Variants in FGD6 observed in about 807,000 individuals in gnomAD.
The protein encoded by FGD6 is FYVE, RhoGEF and PH domain containing 6.
In FGD6, 90 loss-of-function variants were observed where a neutral mutation model predicts 149.4. The ratio of observed to expected loss-of-function variants is 0.60; its 90% CI spans 0.51 to 0.72. The LOEUF is 0.72. Ranked by LOEUF, FGD6 falls within the 30% of genes least tolerant of loss-of-function variation. FGD6 has a pLI of 0.00. For synonymous variants in FGD6, 527 were observed against 584.0 expected (o/e 0.90, Z 1.41); for missense variants, 1,437 against 1,684.8 (o/e 0.85, Z 2.57).
intron 2 of FGD6, among the ~76,000 whole-genome samples, chr12:95,177,775 T>C (rs1881173599): frequency 1.3e-5 from 2 of 152,316 alleles, no homozygotes; most frequent in African/African-American, 4.8e-5. Context: ...AAAATTGGTA[T>C]ACAATTTTCA....
chr12:95,161,011 C>T (rs1880624329), intron 3 of FGD6, among the ~76,000 whole-genome samples: 1 of 151,864 alleles, frequency 6.6e-6, no homozygotes, highest in South Asian at 2.1e-4. Flanking sequence ...GAAACCCCGT[C>T]TCCACCAAAA....
At chr12:95,140,622 G>GA (rs917140163) in intron 6 of FGD6, among the ~76,000 whole-genome samples, 25 of 148,348 alleles carry the variant, frequency 1.7e-4, no homozygotes, top group African/African-American at 2.5e-4. Context: ...CATCTCAAAA[G>GA]AAAAAAAAAA....
At chr12:95,110,136 C>A (rs936310230) in intron 9 of FGD6, among the ~76,000 whole-genome samples, 3 of 151,898 alleles carry the variant, frequency 2.0e-5, no homozygotes, top group African/African-American at 7.3e-5. Flanking sequence ...GCCACCACGT[C>A]CAGCTAATTT....
intron 1 of FGD6, among the ~76,000 whole-genome samples, chr12:95,213,795 A>G (rs1186477991): frequency 6.6e-6 from 1 of 152,248 alleles, no homozygotes; most frequent in Non-Finnish European, 1.5e-5. Flanking sequence ...TAAATATAGC[A>G]AAGTCCTATT....
rs1450805344 is a variant in FGD6, at chr12:95,080,838, T to G, written c.*682A>C. 2 of 152,218 alleles carry G rather than the reference T, an allele frequency of 1.3e-5. No individual in the cohort carries two copies. The highest frequency in any genetic ancestry group is 2.9e-5 in the Non-Finnish European group (2 of 68,032). The allele number at this position is 152,218 out of a possible 1,614,324, so 9.4% of individuals were successfully genotyped here. A position where few individuals can be genotyped will look rare whatever the true frequency, so the allele number is the denominator to read the frequency against. ...TGGTATTCTGCAAATAAAAACATCTTCATTCCTACTCACAGTTTTAAAAAA... is the reference window on the plus strand; with the variant it reads ...TGGTATTCTGCAAATAAAAACATCTGCATTCCTACTCACAGTTTTAAAAAA... On this transcript the variant is annotated 3_prime_UTR_variant, in exon 21 of 21. Transcript: ENST00000343958.
intron 8 of FGD6, among the ~76,000 whole-genome samples, chr12:95,119,113 G>A (rs762535921): frequency 1.1e-4 from 16 of 151,772 alleles, no homozygotes; most frequent in Non-Finnish European, 1.8e-4. Context: ...TGATGATGAT[G>A]ATAATAATAA....
intron 14 of FGD6, among the ~76,000 whole-genome samples, chr12:95,102,456 A>C (rs1453818818): frequency 4.6e-5 from 7 of 151,062 alleles, no homozygotes; most frequent in Non-Finnish European, 7.4e-5. Context: ...AAAAAAAAAA[A>C]AAAAAAAAAA....
chr12:95,172,771 G>A (rs762105643), intron 2 of FGD6, 27 bp from the exon 3 acceptor site: 1 of 1,542,052 alleles, frequency 6.5e-7, no homozygotes, highest in African/African-American at 1.4e-5. Context: ...GCAGGTATTA[G>A]TCACCTTCAA....
At chr12:95,128,116 T>A (rs1879400901) in intron 8 of FGD6, among the ~76,000 whole-genome samples, 1 of 152,234 alleles carries the variant, frequency 6.6e-6, no homozygotes, top group Admixed American at 6.5e-5. Flanking sequence ...TATTTTTGTA[T>A]GCACAAAAGA....
Position 95,141,478 on chromosome 12 carries a change from C to A in FGD6, c.2747G>T (p.Arg916Leu). ...GTAGTATAGGATCTGATTTAGAATC[C>A]GGTCCTCAATCACTGGTTTCCCAAG... ...RQLGKPVIED[R>L]ILNQILYYLP... is the part of the protein sequence containing the mutation. Residue 916 changes from arginine (R) to leucine (L), a missense_variant, in exon 6 of 21, where the codon CGG becomes CTG. Arg to Leu is a moderately radical substitution (Grantham distance 102). Transcript: ENST00000343958. 1 of 1,614,048 alleles carries A rather than the reference C, an allele frequency of 6.2e-7. No homozygotes were observed. Among genetic ancestry groups the A allele is most frequent in the Non-Finnish European group, 8.5e-7 (1 of 1,179,986 alleles).
intron 3 of FGD6, among the ~76,000 whole-genome samples, chr12:95,157,421 C>T (rs1259785018): frequency 6.6e-6 from 1 of 151,856 alleles, no homozygotes. Flanking sequence ...ACCAAATTAC[C>T]CTGGCATGGT....
At position 95,182,961 on chromosome 12, in the gene FGD6, A is replaced by G. The variant is rs564932071; in HGVS notation, c.2442-10217T>C. Among the ~76,000 whole-genome samples, 404 of 152,372 alleles carry G rather than the reference A, an allele frequency of 2.7e-3. 1 individual carries two copies. Among genetic ancestry groups the G allele is most frequent in the Non-Finnish European group, 3.5e-3 (237 of 68,040 alleles). On this transcript the variant is annotated intron_variant, in intron 2 of 20. Transcript: ENST00000343958. Reference sequence around the variant, plus strand: ...CCTTTGCTTCCTCTAAGGTCTTGTCATCATAATCCTAACAGCCACTGAAAA... The same window carrying G: ...CCTTTGCTTCCTCTAAGGTCTTGTCGTCATAATCCTAACAGCCACTGAAAA...
At chr12:95,165,003 A>G (rs1565913330) in intron 3 of FGD6, among the ~76,000 whole-genome samples, 3 of 152,226 alleles carry the variant, frequency 2.0e-5, no homozygotes. Flanking sequence ...GATGAAGACG[A>G]TGAATATTCT....
At chr12:95,168,106 C>G (rs773093586) in intron 3 of FGD6, among the ~76,000 whole-genome samples, 6 of 151,856 alleles carry the variant, frequency 4.0e-5, no homozygotes, top group Admixed American at 6.6e-5. Context: ...TGAAGTGATA[C>G]TCGTGTAAAT....
intron 2 of FGD6, among the ~76,000 whole-genome samples, chr12:95,201,539 T>A (rs2056662819): frequency 1.3e-5 from 2 of 152,194 alleles, no homozygotes; most frequent in Non-Finnish European, 2.9e-5. Context: ...CCAAACACCC[T>A]ACTGCTAGGT....
chr12:95,118,356 A>AAG (rs1475257902), intron 8 of FGD6, among the ~76,000 whole-genome samples: 2 of 148,940 alleles, frequency 1.3e-5, no homozygotes, highest in Non-Finnish European at 3.0e-5. Flanking sequence ...CTCAAAAAAA[A>AAG]AAAAAAGAAA....
intron 18 of FGD6, among the ~76,000 whole-genome samples, chr12:95,086,394 G>T (rs2136231212): frequency 6.6e-6 from 1 of 151,944 alleles, no homozygotes; most frequent in Admixed American, 6.5e-5. Context: ...TACTATTAAG[G>T]AAGCTCATTT....
At chr12:95,143,174 C>T (rs7965447) in intron 5 of FGD6, among the ~76,000 whole-genome samples, 103,719 of 152,004 alleles carry the variant, frequency 0.68, 36,130 homozygotes, top group Middle Eastern at 0.8. Flanking sequence ...CAACTGCTTT[C>T]CCTTCAGGGA....
intron 2 of FGD6, among the ~76,000 whole-genome samples, chr12:95,203,962 C>A (rs1264309475): frequency 6.6e-6 from 1 of 152,200 alleles, no homozygotes; most frequent in East Asian, 1.9e-4. Flanking sequence ...TCTCTCTGAA[C>A]ATCAAACTTC....
Sources: gnomAD v4.1 joint callset for allele counts (sites outside exome capture counted in the v4.1 genomes callset) on GRCh38, gnomAD v4.1.1 for gene constraint, MANE v1.5 for transcripts, NCBI Gene and HGNC (gene_info 2026-07-23, HGNC 2026-07-21) for gene names.